The following LDHC variants were observed in gnomAD, a reference collection of about 807,000 sequenced individuals.
LDHC encodes the protein L-lactate dehydrogenase C chain.
A neutral mutation model predicts 30.2 loss-of-function variants in LDHC; 20 were observed. That is an observed-to-expected ratio of 0.66 (90% confidence interval 0.47 to 0.96). The LOEUF (loss-of-function observed/expected upper bound fraction) is 0.96, where lower values mean the gene tolerates loss of function less well. Among genes scored for constraint, LDHC ranks in the 40% least tolerant of loss-of-function variants. LDHC has a pLI of 0.00. For synonymous variants in LDHC, 139 were observed against 132.7 expected (o/e 1.05, Z -0.32); for missense variants, 362 against 394.9 (o/e 0.92, Z 0.71).
Position 18,449,428 on chromosome 11 carries a change from T to TAAAAAAAAA in LDHC, c.835-1510_835-1502dup, listed in dbSNP as rs557136321. Among the ~76,000 whole-genome samples the TAAAAAAAAA allele has an allele frequency of 2.3e-3, 112 of 48,446 alleles. 10 individuals are homozygous for TAAAAAAAAA. The highest frequency in any genetic ancestry group is 0.017 in the East Asian group (21 of 1,248). The allele number at this position is 48,446 out of a possible 152,430, so 31.8% of individuals were successfully genotyped here. A position where few individuals can be genotyped will look rare whatever the true frequency, so the allele number is the denominator to read the frequency against. ...GGTGACACAGCGAGACACTGTCTCC[T>TAAAAAAAAA]AAAAAAAAAAAAAAAAAAAAAAAAA... On this transcript the variant is annotated intron_variant, in intron 7 of 7. Transcript: ENST00000541669.
Position 18,434,756 on chromosome 11 carries a change from T to C in LDHC, c.435T>C (p.Tyr145=). The change falls in exon 5 of 8, where the codon TAT becomes TAC. Residue 145 remains tyrosine (Y), a synonymous_variant. Transcript: ENST00000541669. The part of the protein sequence containing the change: ...VVSNPVDILT[Y]IVWKISGLPV... ...TCTTCTTAGTGGATATTTTGACATA[T>C]ATAGTCTGGAAGATAAGTGGCTTAC... 1.9e-6 allele frequency: 3 copies of C among 1,602,392 alleles called. No homozygotes were observed. Among genetic ancestry groups the C allele is most frequent in the Non-Finnish European group, 2.6e-6 (3 of 1,169,744 alleles).
chr11:18,428,550 T>C (rs1332055721), intron 3 of LDHC, among the ~76,000 whole-genome samples: 1 of 152,110 alleles, frequency 6.6e-6, no homozygotes, highest in African/African-American at 2.4e-5. Context: ...ACATGGTAGA[T>C]AATCTTCAGC....
rs1477929477 is a variant in LDHC, at chr11:18,438,632, C to G, written c.697C>G (p.Gln233Glu). Residue 233 changes from glutamine to glutamate, a missense_variant, in exon 6 of 8, where the codon CAA becomes GAA. By Grantham distance (29) the Gln-to-Glu change is conservative. Transcript: ENST00000541669. ...DKEHWKNIHK[Q>E]VIQSAYEIIK... ...GGAACACTGGAAAAATATCCATAAA[C>G]AAGTTATTCAAAGGTAATAGTACCT... The G allele has an allele frequency of 6.4e-7, 1 of 1,573,732 alleles. No homozygotes were observed. The highest frequency in any genetic ancestry group is 1.3e-5 in the African/African-American group (1 of 74,082).
At chr11:18,441,405 T>C (rs1848463197) in intron 6 of LDHC, among the ~76,000 whole-genome samples, 1 of 151,526 alleles carries the variant, frequency 6.6e-6, no homozygotes, top group Admixed American at 6.6e-5. Context: ...GCCTCCCGGG[T>C]TCAAGCAATT....
chr11:18,447,211 G>C (rs1848568351), intron 7 of LDHC, among the ~76,000 whole-genome samples: 1 of 149,770 alleles, frequency 6.7e-6, no homozygotes, highest in Non-Finnish European at 1.5e-5. Flanking sequence ...TTGGCTCACT[G>C]CAAGCTCCAC....
At position 18,440,736 on chromosome 11, in the gene LDHC, TG is replaced by T. The variant is rs144911577; in HGVS notation, c.710+2095del. Reference sequence around the variant, plus strand: ...TTGAGGCCAGGAGTTTCAGATCAGCTGGGGCAACAGAGTGAGATCATGTCTC... The same window carrying T: ...TTGAGGCCAGGAGTTTCAGATCAGCTGGGCAACAGAGTGAGATCATGTCTC... On this transcript the variant is annotated intron_variant, in intron 6 of 7. Coordinates refer to ENST00000541669, the MANE Select transcript of LDHC (RefSeq NM_017448.5). 3.7e-3 allele frequency among the ~76,000 whole-genome samples: 557 copies of T among 152,060 alleles called. 8 individuals carry two copies. The highest frequency in any genetic ancestry group is 0.013 in the African/African-American group (539 of 41,470).
intron 3 of LDHC, among the ~76,000 whole-genome samples, chr11:18,420,641 T>TAAAAAAAAAAAAAA (rs11321502): frequency 1.4e-5 from 1 of 72,354 alleles, no homozygotes; most frequent in Non-Finnish European, 2.5e-5. Flanking sequence ...TCTTGTCTCT[T>TAAAAAAAAAAAAAA]AAAAAAAAAA....
intron 7 of LDHC, 61 bp from the exon 8 acceptor site, chr11:18,450,902 C>G (rs1261393973): frequency 1.2e-5 from 15 of 1,289,072 alleles, no homozygotes; most frequent in African/African-American, 1.5e-5. Context: ...TTTTGATGCC[C>G]TTTTGCATAG....
intron 6 of LDHC, among the ~76,000 whole-genome samples, chr11:18,438,860 A>G (rs1200150212): frequency 6.6e-6 from 1 of 152,218 alleles, no homozygotes; most frequent in Admixed American, 6.5e-5. Context: ...TATATTTGAG[A>G]GTAATAAAAG....
intron 7 of LDHC, 96 bp from the exon 8 acceptor site, chr11:18,450,867 C>A: frequency 1.1e-6 from 1 of 877,152 alleles, no homozygotes; most frequent in South Asian, 1.7e-5. Flanking sequence ...TTGTTGAATG[C>A]TTTAGTCTCT....
chr11:18,444,578 C>T (rs1392289978), intron 6 of LDHC, among the ~76,000 whole-genome samples: 1 of 137,962 alleles, frequency 7.2e-6, no homozygotes, highest in Admixed American at 7.7e-5. Context: ...AGGAACAGTC[C>T]AGGCCCAACC....
intron 6 of LDHC, among the ~76,000 whole-genome samples, chr11:18,444,612 A>G (rs1474481035): frequency 2.8e-4 from 10 of 35,310 alleles, no homozygotes; most frequent in African/African-American, 2.7e-3. Flanking sequence ...TGGTATATAT[A>G]TATATATATA....
In LDHC at chr11:18,412,639, G is replaced by T. The variant is rs1248890492; in HGVS notation, c.-9-70G>T. On this transcript the variant is annotated intron_variant, in intron 1 of 7. Transcript: ENST00000541669. ...CCCCCATCCCCGGCTCCAACATTCTGCAAACTGAAGAGGTAGTTTCTTAGA... is the reference window on the plus strand; with the variant it reads ...CCCCCATCCCCGGCTCCAACATTCTTCAAACTGAAGAGGTAGTTTCTTAGA... The T allele has an allele frequency of 2.8e-6, 4 of 1,404,496 alleles. No homozygotes were observed. The African/African-American group carries it at 5.8e-5, about 20-fold the overall frequency. The allele number at this position is 1,404,496 out of a possible 1,614,324, so 87.0% of individuals were successfully genotyped here. A position where few individuals can be genotyped will look rare whatever the true frequency, so the allele number is the denominator to read the frequency against.
chr11:18,423,091 G>A (rs1341375596), intron 3 of LDHC, among the ~76,000 whole-genome samples: 2 of 151,146 alleles, frequency 1.3e-5, no homozygotes, highest in Non-Finnish European at 2.9e-5. Context: ...TTGCGAGGCC[G>A]AGTCAAGTGG....
rs1848552863 is a variant in LDHC, at chr11:18,446,258, ACTGT to A, written c.764_767del (p.Ser255Ter). Reference sequence around the variant, plus strand: ...AGGGGTATACCTCTTGGGCTATTGGACTGTCTGTGATGGATTTGGTAGGATCCAT... The same window carrying A: ...AGGGGTATACCTCTTGGGCTATTGGACTGTGATGGATTTGGTAGGATCCAT... On this transcript the variant is annotated frameshift_variant, in exon 7 of 8. Transcript: ENST00000541669. LOFTEE classifies it high-confidence loss of function. 1 of 1,599,424 alleles carries A rather than the reference ACTGT, an allele frequency of 6.3e-7. No individual in the cohort carries two copies. Among genetic ancestry groups the A allele is most frequent in the South Asian group, 1.1e-5 (1 of 90,790 alleles).
chr11:18,428,919 T>G (rs1268478692), intron 3 of LDHC, among the ~76,000 whole-genome samples: 1 of 151,764 alleles, frequency 6.6e-6, no homozygotes, highest in Non-Finnish European at 1.5e-5. Flanking sequence ...TAGTAAGTGC[T>G]TCATAGTAGT....
intron 3 of LDHC, among the ~76,000 whole-genome samples, chr11:18,427,970 C>T (rs1432801276): frequency 1.3e-5 from 2 of 151,810 alleles, no homozygotes; most frequent in African/African-American, 4.8e-5. Context: ...AGCCACTGTG[C>T]CTGGCCAGAA....
At chr11:18,417,090 G>A (rs1867036076) in intron 3 of LDHC, among the ~76,000 whole-genome samples, 1 of 152,068 alleles carries the variant, frequency 6.6e-6, no homozygotes, top group African/African-American at 2.4e-5. Context: ...CACCACGTTA[G>A]CCAGGCTGGT....
rs1444180706 is a variant in LDHC, at chr11:18,448,572, C to T, written c.834+2239C>T. On this transcript the variant is annotated intron_variant, in intron 7 of 7. Transcript: ENST00000541669. ...TGCTGGGATTACAGGCGTGAGCCAC[C>T]GCGCCCTGCTGAGTTATATTTTATA... Among the ~76,000 whole-genome samples the T allele has an allele frequency of 3.3e-5, 5 of 152,214 alleles. No homozygotes were observed. The South Asian group carries it at 8.3e-4, about 25-fold the overall frequency.
Sources: allele counts gnomAD v4.1 joint callset (sites outside exome capture counted in the v4.1 genomes callset), GRCh38; gene constraint gnomAD v4.1.1; transcripts MANE v1.5; gene names NCBI Gene and HGNC (gene_info 2026-07-23, HGNC 2026-07-21).